GLYATL2: variants seen among roughly 807,000 people sequenced by gnomAD.
The protein encoded by GLYATL2 is glycine N-acyltransferase-like protein 2.
Under a neutral mutation model 21.4 loss-of-function variants are expected in GLYATL2, and 25 were observed. The observed-to-expected ratio is 1.17, with a 90% CI of 0.85 to 1.63. GLYATL2 has a LOEUF of 1.63. Ranked by LOEUF, GLYATL2 falls within the 40% of genes most tolerant of loss-of-function variation. The pLI, the probability that GLYATL2 is intolerant of heterozygous loss-of-function variation, is 0.00. For missense variants in GLYATL2, 361 were observed against 343.3 expected, an observed-to-expected ratio of 1.05 and a Z score of -0.41; for synonymous variants, 114 against 118.2, an observed-to-expected ratio of 0.96 and a Z score of 0.23.
chr11:58,835,261 G>A (rs1207116638), intron 5 of GLYATL2, among the ~76,000 whole-genome samples: 1 of 152,136 alleles, frequency 6.6e-6, no homozygotes, highest in Non-Finnish European at 1.5e-5. Context: ...GTATTTCATT[G>A]AACAGATATT....
chr11:58,854,586 T>C (rs541728480), intron 1 of GLYATL2, among the ~76,000 whole-genome samples: 12 of 152,220 alleles, frequency 7.9e-5, no homozygotes, highest in Non-Finnish European at 1.5e-4. Context: ...CTGACCAGGG[T>C]GGGACTTCCT....
rs5792135 is a variant in GLYATL2 at position 58,894,476 on chromosome 11, C to CCAAAAAAAAAAAAAAA, written n.60+9679_60+9680insTTTTTTTTTTTTTTTG. ...ATTACTGTGAACATTGCAGCTATAGCAAAAAAAAAAAAAAAAAGCATTTTC... is the reference window on the plus strand; with the variant it reads ...ATTACTGTGAACATTGCAGCTATAGCCAAAAAAAAAAAAAAAAAAAAAAAAAAAAAAAAGCATTTTC... On this transcript the variant is annotated intron_variant and non_coding_transcript_variant, in intron 1 of 4. Transcript: ENST00000533636. Among the ~76,000 whole-genome samples the CCAAAAAAAAAAAAAAA allele has an allele frequency of 3.4e-5, 4 of 116,548 alleles. 2 individuals are homozygous for CCAAAAAAAAAAAAAAA. The highest frequency in any genetic ancestry group is 6.9e-5 in the Non-Finnish European group (4 of 57,930). 76.5% of individuals were successfully genotyped at this position (116,548 alleles called of 152,430 possible).
chr11:58,841,292 G>A (rs1388518933), intron 1 of GLYATL2, among the ~76,000 whole-genome samples: 1 of 152,144 alleles, frequency 6.6e-6, no homozygotes, highest in African/African-American at 2.4e-5. Flanking sequence ...ATGGGCTTTG[G>A]AATTAAACAA....
At chr11:58,859,520 T>C (rs646973) in intron 1 of GLYATL2, among the ~76,000 whole-genome samples, 134,903 of 152,084 alleles carry the variant, frequency 0.89, 61,001 homozygotes, top group Non-Finnish European at 0.98. Context: ...AATATTAACC[T>C]CTTTTCAGAT....
At chr11:58,845,175 T>A (rs1460524089), upstream of GLYATL2, among the ~76,000 whole-genome samples, 1 of 152,220 alleles carries the variant, frequency 6.6e-6, no homozygotes, top group Non-Finnish European at 1.5e-5. Flanking sequence ...ATACAAGAAC[T>A]TTTCCAGATC....
chr11:58,905,523 A>C (rs1343468016), upstream of GLYATL2: 2 of 456,102 alleles, frequency 4.4e-6, no homozygotes. Context: ...TCGCAATCAA[A>C]AGGCGGAAAA....
chr11:58,839,623 A>G lies in GLYATL2; in HGVS notation c.-11T>C, dbSNP rs372595925. ...ATGAAGCACAAGCATCTTATGTAGC[A>G]CTTCAGCTTCTTTCCCTCAAGAAGA... is the stretch of plus-strand genomic sequence containing the variant. On this transcript the variant is annotated 5_prime_UTR_variant, in exon 2 of 6. Transcript: ENST00000287275. The G allele has an allele frequency of 1.9e-6, 3 of 1,596,510 alleles. No homozygotes were observed. In the South Asian group the frequency reaches 3.4e-5, roughly 18 times the overall value.
chr11:58,858,176 G>C (rs1314757413), intron 1 of GLYATL2, among the ~76,000 whole-genome samples: 1 of 152,116 alleles, frequency 6.6e-6, no homozygotes, highest in Non-Finnish European at 1.5e-5. Flanking sequence ...TCAGTTTAAA[G>C]AAGAAAGTGG....
chr11:58,872,880 C>T (rs916492618), intron 1 of GLYATL2, among the ~76,000 whole-genome samples: 18 of 152,086 alleles, frequency 1.2e-4, no homozygotes, highest in South Asian at 2.1e-4. Context: ...TTGGGCAGTA[C>T]GGCCATTTTC....
In GLYATL2 at chr11:58,838,255, T is replaced by C. The variant is rs770587770; in HGVS notation, c.186+6A>G. The C allele has an allele frequency of 6.3e-7, 1 of 1,584,224 alleles. No individual in the cohort carries two copies. The highest frequency in any genetic ancestry group is 8.7e-7 in the Non-Finnish European group (1 of 1,153,086). Reference sequence around the variant, plus strand: ...TACCCTCATATTCAGTAACTATTGCTCCTACCTGTTTCTGAGGCCGGGTAA... The same window carrying C: ...TACCCTCATATTCAGTAACTATTGCCCCTACCTGTTTCTGAGGCCGGGTAA... On this transcript the variant is annotated splice_donor_region_variant and intron_variant, in intron 3 of 5. Coordinates refer to ENST00000287275, the MANE Select transcript of GLYATL2 (RefSeq NM_145016.4).
chr11:58,849,423 A>G (rs963423170), upstream of GLYATL2, among the ~76,000 whole-genome samples: 2 of 152,148 alleles, frequency 1.3e-5, no homozygotes, highest in African/African-American at 2.4e-5. Context: ...CCTGGCCTAT[A>G]TATCAATAAA....
At chr11:58,879,576 C>A (rs1394747469) in intron 1 of GLYATL2, among the ~76,000 whole-genome samples, 1 of 151,966 alleles carries the variant, frequency 6.6e-6, no homozygotes, top group Non-Finnish European at 1.5e-5. Context: ...TAACCCAGAC[C>A]CAAAAGTATA....
intron 1 of GLYATL2, among the ~76,000 whole-genome samples, chr11:58,857,107 G>A (rs1853841601): frequency 6.6e-6 from 1 of 152,070 alleles, no homozygotes; most frequent in African/African-American, 2.4e-5. Context: ...GTACTGTTTT[G>A]CATAAGGCTA....
At chr11:58,835,899 G>A (rs1215001628) in intron 5 of GLYATL2, among the ~76,000 whole-genome samples, 43 of 152,124 alleles carry the variant, frequency 2.8e-4, no homozygotes, top group Non-Finnish European at 1.5e-5. Flanking sequence ...CCCCTTAAGT[G>A]TCTCATATGA....
chr11:58,907,102 A>C (rs1032921346), upstream of GLYATL2: 2 of 333,912 alleles, frequency 6.0e-6, no homozygotes, highest in Non-Finnish European at 1.2e-5. Context: ...AAGTTACACC[A>C]TAATAGTTTT....
At chr11:58,852,847 A>G (rs752911831) in intron 1 of GLYATL2, among the ~76,000 whole-genome samples, 3 of 152,180 alleles carry the variant, frequency 2.0e-5, no homozygotes, top group Non-Finnish European at 4.4e-5. Flanking sequence ...AGGGAACACA[A>G]TATGGTCCTT....
chr11:58,896,753 T>G (rs1445908424), intron 1 of GLYATL2, among the ~76,000 whole-genome samples: 1 of 152,262 alleles, frequency 6.6e-6, no homozygotes, highest in Non-Finnish European at 1.5e-5. Context: ...TGTTTTTATT[T>G]TAACGGTTTC....
intron 1 of GLYATL2, among the ~76,000 whole-genome samples, chr11:58,900,230 G>A (rs1854713112): frequency 1.3e-5 from 2 of 152,182 alleles, no homozygotes; most frequent in Admixed American, 6.5e-5. Context: ...CGCAGGACAT[G>A]CATGCATTGA....
chr11:58,859,654 T>C (rs1853896899), intron 1 of GLYATL2, among the ~76,000 whole-genome samples: 1 of 152,214 alleles, frequency 6.6e-6, no homozygotes, highest in Admixed American at 6.5e-5. Flanking sequence ...TGGCCTTCGT[T>C]ATCTGTGCTT....
Sources: allele counts gnomAD v4.1 joint callset (sites outside exome capture counted in the v4.1 genomes callset), GRCh38; gene constraint gnomAD v4.1.1; transcripts MANE v1.5; gene names NCBI Gene and HGNC (gene_info 2026-07-23, HGNC 2026-07-21).